Variants in NOTCH3 observed in about 807,000 individuals in gnomAD.
The protein encoded by NOTCH3 is notch receptor 3, also known as neurogenic locus notch homolog protein 3.
Under a neutral mutation model 213.3 loss-of-function variants are expected in NOTCH3, and 86 were observed. The observed-to-expected ratio is 0.40, with a 90% CI of 0.34 to 0.48. The LOEUF is 0.48. NOTCH3 is among the 20% of genes least tolerant of loss of function. NOTCH3 has a pLI of 0.57. For missense variants in NOTCH3, 2,783 were observed against 3,272.6 expected, an observed-to-expected ratio of 0.85 and a Z score of 3.65; for synonymous variants, 1,354 against 1,355.9, an observed-to-expected ratio of 1.00 and a Z score of 0.03.
chr19:15,178,829 A>G lies in NOTCH3; in HGVS notation c.3831T>C (p.Cys1277=). 6.3e-7 allele frequency: 1 copy of G among 1,593,594 alleles called. No homozygotes were observed. Among genetic ancestry groups the G allele is most frequent in the Non-Finnish European group, 8.6e-7 (1 of 1,169,548 alleles). The change falls in exon 23 of 33, where the codon TGT becomes TGC. Residue 1277 remains cysteine, a synonymous_variant. Transcript: ENST00000263388. ...PGGGLTFTCH[C]AQPFWGPRCE... ...GGCCGCCACCCACACCTACCTGGGC[A>G]CAGTGACAGGTGAAGGTCAGCCCAC...
At chr19:15,175,783 G>A (rs2046785263) in intron 24 of NOTCH3, among the ~76,000 whole-genome samples, 1 of 151,470 alleles carries the variant, frequency 6.6e-6, no homozygotes. Context: ...CAGCCAGGCA[G>A]TAGGAACAGC....
chr19:15,190,207 G>A (rs911353666), intron 6 of NOTCH3, among the ~76,000 whole-genome samples: 1 of 152,168 alleles, frequency 6.6e-6, no homozygotes, highest in South Asian at 2.1e-4. Flanking sequence ...CCAGGAAGTC[G>A]AGGCTGCAGT....
In NOTCH3 at chr19:15,185,451, G is replaced by T; in HGVS notation, c.2144+36C>A. 1 of 1,612,176 alleles carries T rather than the reference G, an allele frequency of 6.2e-7. No homozygotes were observed. Among genetic ancestry groups the T allele is most frequent in the Non-Finnish European group, 8.5e-7 (1 of 1,179,008 alleles). On this transcript the variant is annotated intron_variant, in intron 13 of 32. Transcript: ENST00000263388. The surrounding 1 kb of genome is among the most constrained non-coding windows in gnomAD (Gnocchi z 4.2). ...TCAGGCCAGGGAGGTGGGCCAGGGA[G>T]AGGGGGCAGTGTCTGAGGCTGAGAA...
Position 15,200,784 on chromosome 19 carries a change from T to C in NOTCH3, c.118+4A>G. On this transcript the variant is annotated splice_donor_region_variant and intron_variant, in intron 1 of 32. Coordinates refer to ENST00000263388, the MANE Select transcript of NOTCH3 (RefSeq NM_000435.3). ...GTCCCATCCGCCAGGTCCCGGCCCC[T>C]CACCTGCAGCCCCCGGCCCCGCTAG... 1 of 1,287,558 alleles carries C rather than the reference T, an allele frequency of 7.8e-7. No homozygotes were observed. The highest frequency in any genetic ancestry group is 9.9e-7 in the Non-Finnish European group (1 of 1,011,898). 79.8% of individuals were successfully genotyped at this position (1,287,558 alleles called of 1,614,324 possible).
At position 15,188,259 on chromosome 19, in the gene NOTCH3, C is replaced by T; in HGVS notation, c.1468G>A (p.Gly490Ser). The change falls in exon 9 of 33, where the codon GGC becomes AGC. Residue 490 changes from glycine to serine, a missense_variant. Gly to Ser is a moderately conservative substitution (Grantham distance 56). Around this residue, in one of 6 missense-constraint regions of NOTCH3, gnomAD observed 708 missense variants for 906.6 expected, o/e 0.78. Transcript: ENST00000263388. ...CCCGAGGGGCAGGTGCAGCTGAAGC[C>T]ATTGACTCGGTCCTTGCAGACCCCA... ...NGGVCKDRVNGFSCTCPSGFS... is the reference protein window; with the variant it reads ...NGGVCKDRVNSFSCTCPSGFS... 6.2e-7 allele frequency: 1 copy of T among 1,601,028 alleles called. No homozygotes were observed. Among genetic ancestry groups the T allele is most frequent in the Non-Finnish European group, 8.5e-7 (1 of 1,173,316 alleles).
rs748196084 is a variant in NOTCH3, at chr19:15,161,537, G to A, written c.6091C>T (p.Arg2031Cys). The change falls in exon 33 of 33, where the codon CGC (arginine) becomes TGC (cysteine). Residue 2031 changes from arginine (R) to cysteine (C), a missense_variant. Transcript: ENST00000263388. The stretch of plus-strand genomic sequence containing the variant: ...AGGCCGTGGGGACCGGGGGGGCTGC[G>A]GGGCCCACTGGGTTGATCCAGCAAG... ...VRLLDQPSGP[R>C]SPPGPHGLGP... 35 of 1,604,128 alleles carry A rather than the reference G, an allele frequency of 2.2e-5. No individual in the cohort carries two copies. The highest frequency in any genetic ancestry group is 1.1e-4 in the East Asian group (5 of 44,540).
At position 15,165,229 on chromosome 19, in the gene NOTCH3, G is replaced by T; in HGVS notation, c.5815+139C>A. 2 of 893,286 alleles carry T rather than the reference G, an allele frequency of 2.2e-6. No homozygotes were observed. Among genetic ancestry groups the T allele is most frequent in the South Asian group, 1.4e-5 (1 of 74,056 alleles). 55.3% of individuals were successfully genotyped at this position (893,286 alleles called of 1,614,324 possible). ...ACTAGTGGTGACCCTGCATGACCCT[G>T]CAGGCTTCATGAAGCCTGGTTATGT... is the stretch of plus-strand genomic sequence containing the variant. On this transcript the variant is annotated intron_variant, in intron 31 of 32. Transcript: ENST00000263388. This position sits in a 1 kb window ranked among gnomAD's most constrained non-coding sequence, Gnocchi z 4.7.
At chr19:15,186,375 TTGTA>T (rs1390142968) in intron 12 of NOTCH3, among the ~76,000 whole-genome samples, 16 of 123,320 alleles carry the variant, frequency 1.3e-4, no homozygotes, top group African/African-American at 3.8e-4. Flanking sequence ...TTGTTTGTTT[TTGTA>T]TGTGTGTGTG....
In NOTCH3 at chr19:15,159,079, A is replaced by G. The variant is rs1201555360; in HGVS notation, c.*1583T>C. 1.3e-5 allele frequency: 2 copies of G among 152,244 alleles called. No individual in the cohort carries two copies. Among genetic ancestry groups the G allele is most frequent in the African/African-American group, 4.8e-5 (2 of 41,458 alleles). 9.4% of individuals were successfully genotyped at this position (152,244 alleles called of 1,614,324 possible). On this transcript the variant is annotated 3_prime_UTR_variant, in exon 33 of 33. Transcript: ENST00000263388. ...GTATTTATTACATGGGTCCAAGGTT[A>G]TCTCCAAAACCCATAGGAGCATGAA... is the stretch of plus-strand genomic sequence containing the variant.
At chr19:15,180,625 A>G (rs1281798470) in intron 19 of NOTCH3, 56 bp downstream of exon 19, 2 of 1,530,416 alleles carry the variant, frequency 1.3e-6, no homozygotes, top group Admixed American at 2.0e-5. Flanking sequence ...AGCAGGAGGT[A>G]CGTGCATGAG....
intron 31 of NOTCH3, among the ~76,000 whole-genome samples, 197 bp from the exon 32 acceptor site, chr19:15,162,759 CTGTGTGTGTGTGTTTGTGTG>C (rs2046655598): frequency 5.5e-5 from 2 of 36,060 alleles, no homozygotes; most frequent in African/African-American, 5.4e-4. Flanking sequence ...CACTTTGTGT[CTGTGTGTGTGTGTTTGTGTG>C]TGTGTGTGTG....
Position 15,161,528 on chromosome 19 carries a change from G to T in NOTCH3, c.6100C>A (p.Pro2034Thr), listed in dbSNP as rs767404509. 6.2e-7 allele frequency: 1 copy of T among 1,601,668 alleles called. No homozygotes were observed. Among genetic ancestry groups the T allele is most frequent in the Non-Finnish European group, 8.5e-7 (1 of 1,174,416 alleles). ...LDQPSGPRSPPGPHGLGPLLC... is the reference protein window; with the variant it reads ...LDQPSGPRSPTGPHGLGPLLC... ...AGAGGCCCCAGGCCGTGGGGACCGG[G>T]GGGGCTGCGGGGCCCACTGGGTTGA... The change falls in exon 33 of 33, where the codon CCC becomes ACC. Residue 2034 changes from proline to threonine, a missense_variant. Pro to Thr is a conservative substitution (Grantham distance 38, BLOSUM62 -1). Transcript: ENST00000263388.
chr19:15,179,534 G>A (rs762674092), intron 20 of NOTCH3, 38 bp from the exon 21 acceptor site: 6 of 1,611,438 alleles, frequency 3.7e-6, no homozygotes, highest in Middle Eastern at 1.7e-4. Flanking sequence ...TCAGCTTAGT[G>A]GGACACAGAC....
chr19:15,197,351 G>C, intron 2 of NOTCH3, 149 bp downstream of exon 2: 1 of 763,088 alleles, frequency 1.3e-6, no homozygotes, highest in Non-Finnish European at 2.3e-6. Context: ...TTTCCAATGG[G>C]GAAACACGAG....
chr19:15,183,640 C>G (rs917618133), intron 16 of NOTCH3, among the ~76,000 whole-genome samples: 3 of 152,162 alleles, frequency 2.0e-5, no homozygotes, highest in African/African-American at 7.2e-5. Context: ...CTCAGGTGAT[C>G]CGCCCACCTT....
chr19:15,195,435 C>A (rs2046961902), intron 2 of NOTCH3, among the ~76,000 whole-genome samples: 1 of 151,738 alleles, frequency 6.6e-6, no homozygotes, highest in Non-Finnish European at 1.5e-5. Context: ...CCAAGCTCCG[C>A]CCCCCGACGC....
In NOTCH3 at chr19:15,192,012, C is replaced by T. The variant is rs1166955391; in HGVS notation, c.627G>A (p.Gly209=). ...VPCAPSPCRN[G]GTCRQSGDLT... The stretch of plus-strand genomic sequence containing the variant: ...GGTCGCCACTCTGCCTGCAGGTGCC[C>T]CCGTTACGGCATGGTGAGGGTGCAC... The change falls in exon 4 of 33, where the codon GGG becomes GGA. Residue 209 remains glycine, a synonymous_variant. Coordinates refer to ENST00000263388, the MANE Select transcript of NOTCH3 (RefSeq NM_000435.3). 6.2e-7 allele frequency: 1 copy of T among 1,613,266 alleles called. No homozygotes were observed. Among genetic ancestry groups the T allele is most frequent in the Non-Finnish European group, 8.5e-7 (1 of 1,179,972 alleles).
intron 17 of NOTCH3, 137 bp from the exon 18 acceptor site, chr19:15,181,299 A>T: frequency 1.2e-6 from 1 of 851,394 alleles, no homozygotes; most frequent in Non-Finnish European, 1.9e-6. Context: ...CAGCCCCAGC[A>T]GAAGCCAATC....
At position 15,179,065 on chromosome 19, in the gene NOTCH3, T is replaced by A; in HGVS notation, c.3678A>T (p.Pro1226=). The A allele has an allele frequency of 6.2e-7, 1 of 1,614,220 alleles. No individual in the cohort carries two copies. The highest frequency in any genetic ancestry group is 2.2e-5 in the East Asian group (1 of 44,892). The change falls in exon 22 of 33, where the codon CCA becomes CCT. Residue 1226 remains proline (P), a synonymous_variant. Coordinates refer to ENST00000263388, the MANE Select transcript of NOTCH3 (RefSeq NM_000435.3). ...AAHTRDCLQD[P]GGGFRCLCHA... ...GACAAAGGCAACGGAAACCTCCGCC[T>A]GGGTCCTGCAGGCAGTCCCGGGTGT...
Sources: allele counts gnomAD v4.1 joint callset (sites outside exome capture counted in the v4.1 genomes callset), GRCh38; gene constraint gnomAD v4.1.1; regional missense constraint gnomAD v4.1.1; non-coding constraint Gnocchi (gnomAD v3.1); transcripts MANE v1.5; gene names NCBI Gene and HGNC (gene_info 2026-07-23, HGNC 2026-07-21).